CACNA1C: variants seen among roughly 807,000 people sequenced by gnomAD.
CACNA1C encodes voltage-dependent L-type calcium channel subunit alpha-1C.
A neutral mutation model predicts 229.0 loss-of-function variants in CACNA1C; 30 were observed. That is an observed-to-expected ratio of 0.13 (90% CI 0.10 to 0.18). CACNA1C has a LOEUF of 0.18. Among genes scored for constraint, CACNA1C ranks in the 10% least tolerant of loss-of-function variants. The probability of loss-of-function intolerance (pLI) is 1.00; values close to 1 mark genes in which losing one functional copy is unlikely to be tolerated. For synonymous variants in CACNA1C, 1,114 were observed against 1,132.5 expected (o/e 0.98, Z 0.33); for missense variants, 1,658 against 2,845.0 (o/e 0.58, Z 9.49).
intron 3 of CACNA1C, among the ~76,000 whole-genome samples, chr12:2,402,666 A>T (rs1414190440): frequency 2.0e-5 from 3 of 152,226 alleles, no homozygotes; most frequent in East Asian, 1.9e-4. Context: ...TGTTGTTGTA[A>T]TCTGGAGATA....
chr12:2,183,402 T>C (rs1252146122), intron 3 of CACNA1C, among the ~76,000 whole-genome samples: 1 of 152,238 alleles, frequency 6.6e-6, no homozygotes, highest in African/African-American at 2.4e-5. Context: ...GGGAATGGTC[T>C]CTTAAACACA....
At chr12:2,137,973 A>G (rs2093723419) in intron 3 of CACNA1C, among the ~76,000 whole-genome samples, 1 of 151,260 alleles carries the variant, frequency 6.6e-6, no homozygotes, top group Non-Finnish European at 1.5e-5. Context: ...CATGCGGGCC[A>G]CTCCCTGTTT....
intron 3 of CACNA1C, among the ~76,000 whole-genome samples, chr12:2,165,404 G>C (rs1025717204): frequency 6.6e-6 from 1 of 152,198 alleles, no homozygotes; most frequent in Non-Finnish European, 1.5e-5. Context: ...GCTGCTCTGG[G>C]TTTAAGTAAC....
At chr12:2,671,871 A>T (rs1296640099) in intron 38 of CACNA1C, among the ~76,000 whole-genome samples, 1 of 150,508 alleles carries the variant, frequency 6.6e-6, no homozygotes, top group Non-Finnish European at 1.5e-5. Flanking sequence ...CCCCCACCCA[A>T]GGGTGAGCCT....
chr12:2,659,846 A>G (rs1234535334), intron 34 of CACNA1C: 1 of 152,254 alleles, frequency 6.6e-6, no homozygotes, highest in African/African-American at 2.4e-5. Context: ...AAAAAGCAAC[A>G]TAATTACAGA....
At chr12:2,007,173 T>C (rs2043612459) in intron 1 of CACNA1C, among the ~76,000 whole-genome samples, 1 of 152,246 alleles carries the variant, frequency 6.6e-6, no homozygotes, top group Non-Finnish European at 1.5e-5. Context: ...TTTTTCAGCA[T>C]GAACCCACAG....
At chr12:2,017,920 C>G (rs1345208971) in intron 1 of CACNA1C, among the ~76,000 whole-genome samples, 1 of 152,124 alleles carries the variant, frequency 6.6e-6, no homozygotes, top group Non-Finnish European at 1.5e-5. Flanking sequence ...CCATTGCTTG[C>G]CTTCTACACG....
rs565020062 is a variant in CACNA1C at position 2,608,808 on chromosome 12, G to T, written c.3558+96G>T. 1.7e-6 allele frequency: 2 copies of T among 1,197,652 alleles called. No homozygotes were observed. Among genetic ancestry groups the T allele is most frequent in the Admixed American group, 2.0e-5 (1 of 48,792 alleles). 74.2% of individuals were successfully genotyped at this position (1,197,652 alleles called of 1,614,324 possible). On this transcript the variant is annotated intron_variant, in intron 27 of 46. Transcript: ENST00000399655. The surrounding 1 kb of genome is among the most constrained non-coding windows in gnomAD (Gnocchi z 4.2). ...AGAGGGGCTGCGACAGGGAGAGGCC[G>T]TGCAGATACTGAGATCGTCTCTCTA...
chr12:2,161,723 G>A (rs755066489), intron 3 of CACNA1C, among the ~76,000 whole-genome samples: 2 of 152,210 alleles, frequency 1.3e-5, no homozygotes, highest in Non-Finnish European at 2.9e-5. Context: ...AACAAAGAGC[G>A]CTCTCTGGCC....
intron 3 of CACNA1C, among the ~76,000 whole-genome samples, chr12:2,121,167 C>T (rs1371831604): frequency 6.6e-6 from 1 of 152,194 alleles, no homozygotes; most frequent in Non-Finnish European, 1.5e-5. Context: ...AGGGAAAATC[C>T]CGTCTCTTTC....
At chr12:2,059,764 C>G (rs1268791874) in intron 1 of CACNA1C, among the ~76,000 whole-genome samples, 1 of 152,060 alleles carries the variant, frequency 6.6e-6, no homozygotes, top group Non-Finnish European at 1.5e-5. Context: ...AAACAGAGGC[C>G]CCTAAAGGTT....
At position 2,630,082 on chromosome 12, in the gene CACNA1C, C is replaced by T. The variant is rs1320482605; in HGVS notation, c.3829-4215C>T. 6.6e-6 allele frequency among the ~76,000 whole-genome samples: 1 copy of T among 152,210 alleles called. No homozygotes were observed. Among genetic ancestry groups the T allele is most frequent in the Non-Finnish European group, 1.5e-5 (1 of 68,038 alleles). Reference sequence around the variant, plus strand: ...TTTCCCTTCTGGGCAGCCCGCCCTGCGTGGCTCTGAGGAGCTGGACAGTAG... The same window carrying T: ...TTTCCCTTCTGGGCAGCCCGCCCTGTGTGGCTCTGAGGAGCTGGACAGTAG... On this transcript the variant is annotated intron_variant, in intron 29 of 46. Transcript: ENST00000399655. The surrounding 1 kb of genome is among the most constrained non-coding windows in gnomAD (Gnocchi z 5.4).
chr12:2,641,542 C>T (rs563561120), intron 30 of CACNA1C: 16 of 597,966 alleles, frequency 2.7e-5, no homozygotes, highest in Non-Finnish European at 4.5e-5. Flanking sequence ...CTCCTGTTGC[C>T]CTCGGAGTCC....
intron 2 of CACNA1C, among the ~76,000 whole-genome samples, chr12:2,115,981 C>T (rs376397584): frequency 4.1e-4 from 63 of 152,254 alleles, no homozygotes; most frequent in African/African-American, 1.2e-3. Flanking sequence ...GATGCTTTCA[C>T]GGCCTTCCCT....
At chr12:2,246,609 C>T (rs1446934094) in intron 3 of CACNA1C, among the ~76,000 whole-genome samples, 1 of 152,178 alleles carries the variant, frequency 6.6e-6, no homozygotes, top group African/African-American at 2.4e-5. Flanking sequence ...AACTGAGGCA[C>T]ACCGAGGGTA....
At chr12:2,289,084 C>T (rs1295633659) in intron 3 of CACNA1C, 1 of 152,180 alleles carries the variant, frequency 6.6e-6, no homozygotes, top group Non-Finnish European at 1.5e-5. Flanking sequence ...AAATGCATCC[C>T]ATATGGGGAA....
chr12:1,973,242 T>C (rs552749268), intron 1 of CACNA1C, among the ~76,000 whole-genome samples: 6 of 152,196 alleles, frequency 3.9e-5, no homozygotes, highest in African/African-American at 1.4e-4. Flanking sequence ...ACCTCACAAA[T>C]CAGCGATCCC....
intron 21 of CACNA1C, among the ~76,000 whole-genome samples, chr12:2,600,635 T>A (rs2071529139): frequency 6.6e-6 from 1 of 152,228 alleles, no homozygotes; most frequent in South Asian, 2.1e-4. Context: ...AAAGGTGATT[T>A]GTTGAGCACC....
intron 1 of CACNA1C, among the ~76,000 whole-genome samples, chr12:2,105,530 A>AGGTAGCTCAGGTAGCTCAGGTAGCTCAG (rs2077920417): frequency 6.6e-6 from 1 of 152,208 alleles, no homozygotes; most frequent in Non-Finnish European, 1.5e-5. Flanking sequence ...GAGGAAGCGC[A>AGGTAGCTCAGGTAGCTCAGGTAGCTCAG]GTCAGATGCG....
Sources: gnomAD v4.1 joint callset for allele counts (sites outside exome capture counted in the v4.1 genomes callset) on GRCh38, gnomAD v4.1.1 for gene constraint, Gnocchi (gnomAD v3.1) non-coding constraint, MANE v1.5 for transcripts, NCBI Gene and HGNC (gene_info 2026-07-23, HGNC 2026-07-21) for gene names.